ARHGAP23: variants seen among roughly 807,000 people sequenced by gnomAD.
ARHGAP23 encodes the protein rho GTPase-activating protein 23.
A neutral mutation model predicts 136.3 loss-of-function variants in ARHGAP23; 34 were observed. That is an observed-to-expected ratio of 0.25 (90% CI 0.19 to 0.33). ARHGAP23 has a LOEUF of 0.33. Among genes scored for constraint, ARHGAP23 ranks in the 10% least tolerant of loss-of-function variants. The probability of loss-of-function intolerance (pLI) is 1.00; values close to 1 mark genes in which losing one functional copy is unlikely to be tolerated. For synonymous variants in ARHGAP23, 832 were observed against 920.5 expected, an observed-to-expected ratio of 0.90 and a Z score of 1.74; for missense variants, 1,808 against 2,139.0, an observed-to-expected ratio of 0.85 and a Z score of 3.05.
chr17:38,425,916 C>T (rs1051734148), upstream of ARHGAP23, among the ~76,000 whole-genome samples: 3 of 151,362 alleles, frequency 2.0e-5, no homozygotes, highest in Admixed American at 6.6e-5. Flanking sequence ...GAAGTGGGAG[C>T]GGGTGGGGGA....
rs919272795 is a variant in ARHGAP23 at position 38,466,891 on chromosome 17, C to A, written c.1208C>A (p.Pro403Gln). ...CGGGACCTGCCAGGGCCCCAGGCCCCACCCCCGTCTGGCCTGCAGGGCCTG... is the reference window on the plus strand; with the variant it reads ...CGGGACCTGCCAGGGCCCCAGGCCCAACCCCCGTCTGGCCTGCAGGGCCTG... Reference protein sequence around the residue: ...PTRDLPGPQAPPPSGLQGLDD... With the variant: ...PTRDLPGPQAQPPSGLQGLDD... The change falls in exon 7 of 24, where the codon CCA becomes CAA. Residue 403 changes from proline (P) to glutamine (Q), a missense_variant. Physicochemically the swap from Pro to Gln is moderately conservative, Grantham distance 76. Transcript: ENST00000622683. The A allele has an allele frequency of 3.4e-5, 52 of 1,550,104 alleles. No homozygotes were observed. The highest frequency in any genetic ancestry group is 4.3e-5 in the Non-Finnish European group (49 of 1,146,896).
At chr17:38,507,606 T>G (rs1338487389) in intron 23 of ARHGAP23, among the ~76,000 whole-genome samples, 6 of 151,868 alleles carry the variant, frequency 4.0e-5, no homozygotes, top group Admixed American at 3.3e-4. Context: ...GATGAGAGGG[T>G]AGTTTGATCA....
Position 38,466,870 on chromosome 17 carries a change from A to G in ARHGAP23, c.1187A>G (p.Asp396Gly), listed in dbSNP as rs1465382910. Residue 396 changes from aspartate to glycine, a missense_variant, in exon 7 of 24, where the codon GAC becomes GGC. Asp to Gly is a moderately conservative substitution (Grantham distance 94, BLOSUM62 -1). Around this residue, in one of 7 missense-constraint regions of ARHGAP23, gnomAD observed 859 missense variants for 936.4 expected, o/e 0.92. Transcript: ENST00000622683. ...SARTPACPTR[D>G]LPGPQAPPPS... ...CGCACCCCCGCCTGCCCAACTCGGG[A>G]CCTGCCAGGGCCCCAGGCCCCACCC... 1 of 1,549,554 alleles carries G rather than the reference A, an allele frequency of 6.5e-7. No homozygotes were observed. Among genetic ancestry groups the G allele is most frequent in the Non-Finnish European group, 8.7e-7 (1 of 1,146,796 alleles).
chr17:38,498,971 C>T (rs1033976336), intron 22 of ARHGAP23: 22 of 699,200 alleles, frequency 3.1e-5, no homozygotes, highest in East Asian at 1.1e-4. Flanking sequence ...TGCGGTGTCG[C>T]GGCCTCGGTC....
At chr17:38,421,385 G>C (rs1054492233) in intron 1 of ARHGAP23, among the ~76,000 whole-genome samples, 201 of 152,240 alleles carry the variant, frequency 1.3e-3, no homozygotes, top group South Asian at 6.2e-4. Flanking sequence ...TCTGATGATC[G>C]GCACACTCTC....
chr17:38,490,361 C>A, intron 18 of ARHGAP23, 101 bp from the exon 19 acceptor site: 1 of 1,160,248 alleles, frequency 8.6e-7, no homozygotes. Flanking sequence ...TTCCAGACTC[C>A]CTGAGGCATG....
At chr17:38,471,542 G>A (rs1233619738) in intron 10 of ARHGAP23, among the ~76,000 whole-genome samples, 1 of 152,152 alleles carries the variant, frequency 6.6e-6, no homozygotes, top group African/African-American at 2.4e-5. Context: ...TCGTTGACAC[G>A]ATCACTTCCT....
rs776626781 is a variant in ARHGAP23 at position 38,482,648 on chromosome 17, C to T, written c.2877C>T (p.Arg959=). The T allele has an allele frequency of 2.9e-5, 45 of 1,548,952 alleles. No homozygotes were observed. In the South Asian group the frequency reaches 3.2e-4, roughly 11 times the overall value. ...CCAGCCTACAGGAGCAGCTCAACCG[C>T]GGGCCTGGTGACATCAACCTGCAGG... The part of the protein sequence containing the change: ...VVSSLQEQLN[R]GPGDINLQDE... The change falls in exon 16 of 24, where the codon CGC becomes CGT. Residue 959 remains arginine (R), a synonymous_variant. Coordinates refer to ENST00000622683, the MANE Select transcript of ARHGAP23 (RefSeq NM_001199417.2).
intron 1 of ARHGAP23, among the ~76,000 whole-genome samples, chr17:38,429,850 T>A (rs2038648249): frequency 6.6e-6 from 1 of 152,154 alleles, no homozygotes; most frequent in South Asian, 2.1e-4. Context: ...GGTGAGTGGC[T>A]TTTGATCCCA....
intron 6 of ARHGAP23, among the ~76,000 whole-genome samples, chr17:38,463,683 C>G (rs548501036): frequency 7.9e-5 from 12 of 152,238 alleles, no homozygotes; most frequent in African/African-American, 2.9e-4. Flanking sequence ...GATGCCTCTT[C>G]CCTGCACCCC....
rs188309855 is a variant in ARHGAP23 at position 38,422,118 on chromosome 17, G to A, written n.120+2719G>A. On this transcript the variant is annotated intron_variant and non_coding_transcript_variant, in intron 1 of 4. Coordinates refer to the ARHGAP23 transcript ENST00000633445. ...ACTCCCTGGCCTGACCCCTCCCAGAGGGATCATTCGATAGAAAGAGCAACA... is the reference window on the plus strand; with the variant it reads ...ACTCCCTGGCCTGACCCCTCCCAGAAGGATCATTCGATAGAAAGAGCAACA... Among the ~76,000 whole-genome samples, 11 of 152,302 alleles carry A rather than the reference G, an allele frequency of 7.2e-5. No homozygotes were observed. In the East Asian group the frequency reaches 1.9e-3, roughly 27 times the overall value.
chr17:38,502,016 T>TA (rs1244943165), intron 23 of ARHGAP23, among the ~76,000 whole-genome samples: 2 of 152,122 alleles, frequency 1.3e-5, no homozygotes, highest in Admixed American at 1.3e-4. Flanking sequence ...TTTTGGAAGA[T>TA]AAAAGAGGGT....
intron 7 of ARHGAP23, among the ~76,000 whole-genome samples, chr17:38,467,864 T>C (rs1362756423): frequency 6.6e-6 from 1 of 152,208 alleles, no homozygotes; most frequent in East Asian, 1.9e-4. Flanking sequence ...CTTTCCCTCT[T>C]TGTCCTTTCC....
At chr17:38,443,929 A>G (rs567148360) in intron 1 of ARHGAP23, among the ~76,000 whole-genome samples, 1 of 152,156 alleles carries the variant, frequency 6.6e-6, no homozygotes, top group East Asian at 1.9e-4. Flanking sequence ...AGTCACACCT[A>G]GAGCTTTCCC....
chr17:38,470,485 A>G (rs1205322669), intron 10 of ARHGAP23, among the ~76,000 whole-genome samples: 2 of 152,230 alleles, frequency 1.3e-5, no homozygotes, highest in Non-Finnish European at 2.9e-5. Context: ...GTGGACAGGT[A>G]GAGTTCCCAG....
At chr17:38,484,692 T>G (rs1293094410) in intron 16 of ARHGAP23, among the ~76,000 whole-genome samples, 1 of 151,454 alleles carries the variant, frequency 6.6e-6, no homozygotes, top group African/African-American at 2.4e-5. Flanking sequence ...CCGCACTGGG[T>G]GTGTGTGAGA....
At chr17:38,452,970 G>A (rs2039213028) in intron 1 of ARHGAP23, among the ~76,000 whole-genome samples, 1 of 152,214 alleles carries the variant, frequency 6.6e-6, no homozygotes, top group African/African-American at 2.4e-5. Flanking sequence ...GACTCCATCT[G>A]CGCTTAAGAG....
In ARHGAP23 at chr17:38,469,128, C is replaced by T. The variant is rs775478958; in HGVS notation, c.1649-16C>T. The T allele has an allele frequency of 1.9e-5, 30 of 1,541,488 alleles. No individual in the cohort carries two copies. The highest frequency in any genetic ancestry group is 2.5e-5 in the Non-Finnish European group (28 of 1,141,412). ...CTGTCTGCTGCCTTCACACCTTTCT[C>T]CTTCCACATGCATAGATGAGCCCAC... On this transcript the variant is annotated splice_polypyrimidine_tract_variant and intron_variant, in intron 7 of 23. Transcript: ENST00000622683.
chr17:38,463,150 G>T lies in ARHGAP23; in HGVS notation c.382G>T (p.Val128Phe). ...DRLVKVNGESVIGKTYSQVIA... is the reference protein window; with the variant it reads ...DRLVKVNGESFIGKTYSQVIA... ...GCTGGTAAAGGTGAATGGGGAAAGC[G>T]TCATTGGGAAGACCTACTCTCAGGT... The change falls in exon 5 of 24, where the codon GTC (valine) becomes TTC (phenylalanine). Residue 128 changes from valine (V) to phenylalanine (F), a missense_variant. Val to Phe is a conservative substitution (Grantham distance 50, BLOSUM62 -1). Coordinates refer to ENST00000622683, the MANE Select transcript of ARHGAP23 (RefSeq NM_001199417.2). 6.4e-7 allele frequency: 1 copy of T among 1,551,556 alleles called. No homozygotes were observed.
Sources: gnomAD v4.1 joint callset for allele counts (sites outside exome capture counted in the v4.1 genomes callset) on GRCh38, gnomAD v4.1.1 for gene constraint, gnomAD v4.1.1 regional missense constraint, MANE v1.5 for transcripts, NCBI Gene and HGNC (gene_info 2026-07-23, HGNC 2026-07-21) for gene names.